The following STAG1 variants were observed in gnomAD, a reference collection of about 807,000 sequenced individuals.
STAG1 encodes cohesin subunit SA-1.
STAG1 carries 26 observed loss-of-function variants against 170.9 expected under a neutral mutation model. That is an observed-to-expected ratio of 0.15 (90% CI 0.11 to 0.21). The LOEUF (loss-of-function observed/expected upper bound fraction) is 0.21, where lower values mean the gene tolerates loss of function less well. Ranked by LOEUF, STAG1 falls within the 10% of genes least tolerant of loss-of-function variation. The pLI is 1.00. For synonymous variants in STAG1, 514 were observed against 497.7 expected (o/e 1.03, Z -0.44); for missense variants, 964 against 1,509.5 (o/e 0.64, Z 5.99).
chr3:136,581,323 A>G (rs563020588), intron 4 of STAG1, among the ~76,000 whole-genome samples: 7 of 152,314 alleles, frequency 4.6e-5, no homozygotes, highest in Admixed American at 1.3e-4. Flanking sequence ...TCATTTCCAG[A>G]ATTTTCTTGC....
intron 1 of STAG1, among the ~76,000 whole-genome samples, chr3:136,710,627 C>T (rs910999261): frequency 6.6e-6 from 1 of 152,098 alleles, no homozygotes; most frequent in South Asian, 2.1e-4. Flanking sequence ...GCCCCTCCCC[C>T]CTCCAACCAT....
At chr3:136,431,885 T>C (rs1221624744) in intron 16 of STAG1, among the ~76,000 whole-genome samples, 1 of 152,232 alleles carries the variant, frequency 6.6e-6, no homozygotes, top group East Asian at 1.9e-4. Context: ...TGTGTCTATA[T>C]GTGGAACTTT....
chr3:136,341,382 AC>A, intron 31 of STAG1, 58 bp downstream of exon 31: 4 of 1,139,158 alleles, frequency 3.5e-6, no homozygotes, highest in Non-Finnish European at 5.2e-6. Context: ...AAGTCATTTC[AC>A]AAAATGATGG....
chr3:136,498,874 C>T (rs1288207653), intron 9 of STAG1, among the ~76,000 whole-genome samples: 1 of 152,124 alleles, frequency 6.6e-6, no homozygotes, highest in African/African-American at 2.4e-5. Context: ...ACATTTTATT[C>T]TTTTGGTTAA....
At chr3:136,411,925 T>C (rs2087635039) in intron 21 of STAG1, among the ~76,000 whole-genome samples, 1 of 151,786 alleles carries the variant, frequency 6.6e-6, no homozygotes, top group Admixed American at 6.6e-5. Context: ...GTAGTTGGGA[T>C]TACAGGCATG....
chr3:136,531,000 T>C (rs927130924), intron 6 of STAG1, among the ~76,000 whole-genome samples: 1 of 151,996 alleles, frequency 6.6e-6, no homozygotes, highest in Non-Finnish European at 1.5e-5. Context: ...AGATACTCGG[T>C]TGGCAGAGGC....
intron 22 of STAG1, among the ~76,000 whole-genome samples, chr3:136,379,887 A>G (rs1177114832): frequency 1.3e-5 from 2 of 152,238 alleles, no homozygotes; most frequent in Non-Finnish European, 2.9e-5. Context: ...CCTGCTGGCA[A>G]TGAGGAACTA....
intron 11 of STAG1, 124 bp from the exon 12 acceptor site, chr3:136,472,616 C>A: frequency 1.7e-6 from 1 of 600,430 alleles, no homozygotes; most frequent in South Asian, 2.7e-5. Flanking sequence ...AAGCTTTACT[C>A]TTGAAACTGC....
chr3:136,543,041 A>G (rs749701995), intron 5 of STAG1, among the ~76,000 whole-genome samples: 3 of 152,200 alleles, frequency 2.0e-5, no homozygotes, highest in Non-Finnish European at 4.4e-5. Context: ...GGAAAGATCT[A>G]TAGGATATAT....
At chr3:136,728,321 A>G (rs1481538138) in intron 1 of STAG1, among the ~76,000 whole-genome samples, 1 of 152,198 alleles carries the variant, frequency 6.6e-6, no homozygotes, top group Non-Finnish European at 1.5e-5. Flanking sequence ...TTTATCTTAA[A>G]TTCCTTTTAA....
At chr3:136,619,657 T>A (rs1453774501) in intron 3 of STAG1, among the ~76,000 whole-genome samples, 1 of 144,380 alleles carries the variant, frequency 6.9e-6, no homozygotes, top group Non-Finnish European at 1.5e-5. Flanking sequence ...CTTGGAAGGC[T>A]GAGGTGGGAG....
intron 7 of STAG1, among the ~76,000 whole-genome samples, chr3:136,510,561 C>A (rs1394912118): frequency 6.6e-6 from 1 of 151,716 alleles, no homozygotes; most frequent in Admixed American, 6.6e-5. Flanking sequence ...CAGGCGTGAG[C>A]CACTGCACCC....
intron 1 of STAG1, among the ~76,000 whole-genome samples, chr3:136,659,405 C>T (rs774772196): frequency 6.6e-6 from 1 of 152,132 alleles, no homozygotes; most frequent in Non-Finnish European, 1.5e-5. Context: ...ATTCTCTTCT[C>T]AAGCATATTA....
chr3:136,725,228 A>G (rs1195300635), intron 1 of STAG1, among the ~76,000 whole-genome samples: 1 of 152,212 alleles, frequency 6.6e-6, no homozygotes, highest in Admixed American at 6.5e-5. Flanking sequence ...CACTCTATAC[A>G]TCAATATTAC....
In STAG1 at chr3:136,389,594, A is replaced by G. The variant is rs1432252110; in HGVS notation, c.2277+9155T>C. 2.0e-5 allele frequency among the ~76,000 whole-genome samples: 3 copies of G among 151,898 alleles called. No homozygotes were observed. In the East Asian group the frequency reaches 5.8e-4, roughly 29 times the overall value. On this transcript the variant is annotated intron_variant, in intron 22 of 33. Coordinates refer to ENST00000383202, the MANE Select transcript of STAG1 (RefSeq NM_005862.3). Reference sequence around the variant, plus strand: ...GAGTGCAGTGGTGCCATCTCAGTTCACTGCAGCCTCCACCTCCTGGGTTCC... The same window carrying G: ...GAGTGCAGTGGTGCCATCTCAGTTCGCTGCAGCCTCCACCTCCTGGGTTCC...
At chr3:136,351,298 A>G (rs1359458866) in intron 28 of STAG1, among the ~76,000 whole-genome samples, 1 of 152,156 alleles carries the variant, frequency 6.6e-6, no homozygotes, top group Non-Finnish European at 1.5e-5. Context: ...TGAAAGAAGG[A>G]TAACATTTTA....
intron 22 of STAG1, among the ~76,000 whole-genome samples, chr3:136,385,046 C>T (rs1189671625): frequency 6.6e-6 from 1 of 152,164 alleles, no homozygotes; most frequent in Non-Finnish European, 1.5e-5. Context: ...TTATCTACTT[C>T]TCTTAGTTCA....
intron 3 of STAG1, 52 bp from the exon 4 acceptor site, chr3:136,604,525 T>C (rs981586457): frequency 2.7e-6 from 4 of 1,476,866 alleles, no homozygotes; most frequent in Admixed American, 2.3e-5. Flanking sequence ...CTTTGCTTTA[T>C]ATAAAATGAT....
At chr3:136,736,874 C>T in intron 1 of STAG1, 1 of 1,584,242 alleles carries the variant, frequency 6.3e-7, no homozygotes, top group Non-Finnish European at 8.7e-7. Flanking sequence ...TATTCTTTTC[C>T]TGCCTGAATT....
Sources: gnomAD v4.1 joint callset for allele counts (sites outside exome capture counted in the v4.1 genomes callset) on GRCh38, gnomAD v4.1.1 for gene constraint, MANE v1.5 for transcripts, NCBI Gene and HGNC (gene_info 2026-07-23, HGNC 2026-07-21) for gene names.